HERC1: variants seen among roughly 807,000 people sequenced by gnomAD.
HERC1 encodes the protein HECT and RLD domain containing E3 ubiquitin protein ligase family member 1, also known as probable E3 ubiquitin-protein ligase HERC1.
HERC1 carries 160 observed loss-of-function variants against 554.3 expected under a neutral mutation model. The ratio of observed to expected loss-of-function variants is 0.29; its 90% CI spans 0.25 to 0.33. The LOEUF is 0.33. Among genes scored for constraint, HERC1 ranks in the 10% least tolerant of loss-of-function variants. The probability of loss-of-function intolerance (pLI) is 1.00; values close to 1 mark genes in which losing one functional copy is unlikely to be tolerated. For missense variants in HERC1, 4,919 were observed against 5,918.5 expected, an observed-to-expected ratio of 0.83 and a Z score of 5.54; for synonymous variants, 2,175 against 2,131.7, an observed-to-expected ratio of 1.02 and a Z score of -0.56.
At chr15:63,809,995 C>T (rs1276313956) in intron 1 of HERC1, among the ~76,000 whole-genome samples, 1 of 151,968 alleles carries the variant, frequency 6.6e-6, no homozygotes, top group Non-Finnish European at 1.5e-5. Context: ...ATCTAAAGTC[C>T]ACAAATAATA....
Position 63,716,297 on chromosome 15 carries a change from C to T in HERC1, c.4150+5G>A. ...GTATCTAGAAAGTAAGAAGGGTATA[C>T]TCACTGCCAGCTGTCATCACTTCAT... On this transcript the variant is annotated splice_donor_5th_base_variant and intron_variant, in intron 22 of 77. Coordinates refer to ENST00000443617, the MANE Select transcript of HERC1 (RefSeq NM_003922.4). The T allele has an allele frequency of 6.2e-7, 1 of 1,610,922 alleles. No individual in the cohort carries two copies. Among genetic ancestry groups the T allele is most frequent in the South Asian group, 1.1e-5 (1 of 90,574 alleles).
intron 1 of HERC1, among the ~76,000 whole-genome samples, chr15:63,799,006 G>A (rs139382130): frequency 5.9e-5 from 9 of 152,228 alleles, no homozygotes; most frequent in East Asian, 3.9e-4. Context: ...CTTTTTTAAA[G>A]CGTCATCTCT....
At position 63,737,489 on chromosome 15, in the gene HERC1, TATATAC is replaced by T. The variant is rs1290144177; in HGVS notation, c.2521-2646_2521-2641del. ...TATATATCTTTTTTCCAGATATATATATATACATATATATATCTTTTTTCCAGATAT... is the reference window on the plus strand; with the variant it reads ...TATATATCTTTTTTCCAGATATATATATATATATATCTTTTTTCCAGATAT... On this transcript the variant is annotated intron_variant, in intron 12 of 77. Coordinates refer to ENST00000443617, the MANE Select transcript of HERC1 (RefSeq NM_003922.4). Among the ~76,000 whole-genome samples, 3 of 86,800 alleles carry T rather than the reference TATATAC, an allele frequency of 3.5e-5. 1 individual carries two copies. The highest frequency in any genetic ancestry group is 7.4e-5 in the Non-Finnish European group (3 of 40,534). 56.9% of individuals were successfully genotyped at this position (86,800 alleles called of 152,430 possible).
chr15:63,701,567 G>A (rs562308509), intron 25 of HERC1, among the ~76,000 whole-genome samples: 5 of 152,282 alleles, frequency 3.3e-5, no homozygotes, highest in African/African-American at 1.2e-4. Context: ...AAATGAGTGT[G>A]GCTGTGTTCC....
chr15:63,729,963 T>C lies in HERC1; in HGVS notation c.2869-314A>G, dbSNP rs183035079. Among the ~76,000 whole-genome samples, 228 of 146,114 alleles carry C rather than the reference T, an allele frequency of 1.6e-3. 1 individual carries two copies. The highest frequency in any genetic ancestry group is 3.9e-3 in the South Asian group (18 of 4,622). ...TTGCTTGAACCCCAGGAGGCAGAGG[T>C]TGCAGTGAGCCAAGATCACGCCATT... On this transcript the variant is annotated intron_variant, in intron 14 of 77. Coordinates refer to ENST00000443617, the MANE Select transcript of HERC1 (RefSeq NM_003922.4).
chr15:63,803,936 A>C (rs890790268), intron 1 of HERC1, among the ~76,000 whole-genome samples: 5 of 152,204 alleles, frequency 3.3e-5, no homozygotes, highest in African/African-American at 1.2e-4. Context: ...TACTTTCATC[A>C]AGATAGATCA....
chr15:63,660,781 G>A (rs552561544), intron 46 of HERC1, among the ~76,000 whole-genome samples, 192 bp downstream of exon 46: 13 of 152,074 alleles, frequency 8.5e-5, no homozygotes, highest in South Asian at 6.2e-4. Context: ...TTGAAACCAC[G>A]TTCTTTTCCT....
intron 21 of HERC1, 23 bp from the exon 22 acceptor site, chr15:63,716,496 A>C: frequency 6.5e-7 from 1 of 1,536,704 alleles, no homozygotes; most frequent in Non-Finnish European, 8.8e-7. Flanking sequence ...ATCAGAAACT[A>C]CACTAAATAC....
chr15:63,688,718 A>G (rs2071927442), intron 33 of HERC1, among the ~76,000 whole-genome samples: 1 of 152,238 alleles, frequency 6.6e-6, no homozygotes, highest in African/African-American at 2.4e-5. Context: ...AAAAACCAAG[A>G]TAGGAATTAA....
At chr15:63,762,314 T>C (rs914114333) in intron 3 of HERC1, among the ~76,000 whole-genome samples, 2 of 152,102 alleles carry the variant, frequency 1.3e-5, no homozygotes, top group African/African-American at 4.8e-5. Flanking sequence ...TGTGGGTTCA[T>C]AATGATTATT....
chr15:63,734,650 A>C lies in HERC1; in HGVS notation c.2646+74T>G. On this transcript the variant is annotated intron_variant, in intron 13 of 77. Transcript: ENST00000443617. The surrounding 1 kb of genome is among the most constrained non-coding windows in gnomAD (Gnocchi z 4.6). ...ATGCTCCAAGAACACATGGCAATTTATTAGTTTTATTTCCTTCTCAGTCCA... is the reference window on the plus strand; with the variant it reads ...ATGCTCCAAGAACACATGGCAATTTCTTAGTTTTATTTCCTTCTCAGTCCA... 1 of 1,245,376 alleles carries C rather than the reference A, an allele frequency of 8.0e-7. No individual in the cohort carries two copies. The highest frequency in any genetic ancestry group is 1.6e-5 in the South Asian group (1 of 61,832). The allele number at this position is 1,245,376 out of a possible 1,614,324, so 77.1% of individuals were successfully genotyped here. A position where few individuals can be genotyped will look rare whatever the true frequency, so the allele number is the denominator to read the frequency against.
At chr15:63,741,761 T>C (rs1278364426) in intron 12 of HERC1, among the ~76,000 whole-genome samples, 1 of 152,254 alleles carries the variant, frequency 6.6e-6, no homozygotes, top group African/African-American at 2.4e-5. Flanking sequence ...TGAAATAGTT[T>C]TGGCACTCTT....
In HERC1 at chr15:63,641,458, G is replaced by A. The variant is rs1325988610; in HGVS notation, c.11607+12C>T. The A allele has an allele frequency of 5.0e-6, 8 of 1,605,064 alleles. No individual in the cohort carries two copies. The highest frequency in any genetic ancestry group is 6.0e-6 in the Non-Finnish European group (7 of 1,173,972). ...TATCTGTGTATCTCTAGGAGTGAGT[G>A]TAATGAGTTACCTTTTCATAGGCAT... On this transcript the variant is annotated intron_variant, in intron 60 of 77. Transcript: ENST00000443617.
intron 2 of HERC1, among the ~76,000 whole-genome samples, chr15:63,771,198 A>G (rs1241475567): frequency 6.6e-6 from 1 of 152,002 alleles, no homozygotes; most frequent in African/African-American, 2.4e-5. Flanking sequence ...CAAAAAAAAA[A>G]AGAAAAGAAA....
chr15:63,794,407 A>G (rs1206098768), intron 1 of HERC1, among the ~76,000 whole-genome samples: 2 of 152,104 alleles, frequency 1.3e-5, no homozygotes, highest in Non-Finnish European at 2.9e-5. Context: ...TACTGGTTGA[A>G]TCACTGAGTG....
Position 63,649,757 on chromosome 15 carries a change from C to T in HERC1, c.10715G>A (p.Arg3572His), listed in dbSNP as rs370809691. 1.2e-4 allele frequency: 191 copies of T among 1,613,520 alleles called. No individual in the cohort carries two copies. The highest frequency in any genetic ancestry group is 1.6e-4 in the Middle Eastern group (1 of 6,082). ...TCGATAGCAATGCTCCAATTCTCGA[C>T]GGTGCATGGTGGACACATCAACAAC... ...IEVVDVSTMH[R>H]RELEHCYRKD... is the part of the protein sequence containing the mutation. Residue 3572 changes from arginine (R) to histidine (H), a missense_variant, in exon 54 of 78, where the codon CGT becomes CAT. By Grantham distance (29) the Arg-to-His change is conservative. Around this residue, in one of 11 missense-constraint regions of HERC1, gnomAD observed 1,963 missense variants for 2,228.6 expected, o/e 0.88. Transcript: ENST00000443617.
chr15:63,687,130 T>C (rs565253221), intron 33 of HERC1, among the ~76,000 whole-genome samples: 1 of 152,326 alleles, frequency 6.6e-6, no homozygotes, highest in East Asian at 1.9e-4. Flanking sequence ...CACAGAATGA[T>C]GTATATAGGA....
chr15:63,669,886 G>A (rs1435334995), intron 39 of HERC1, among the ~76,000 whole-genome samples, 188 bp from the exon 40 acceptor site: 1 of 152,198 alleles, frequency 6.6e-6, no homozygotes, highest in African/African-American at 2.4e-5. Flanking sequence ...CAGTATAAAT[G>A]TAATAAAACC....
In HERC1 at chr15:63,689,693, C is replaced by A; in HGVS notation, c.5944G>T (p.Glu1982Ter). 6.4e-7 allele frequency: 1 copy of A among 1,552,692 alleles called. No individual in the cohort carries two copies. The highest frequency in any genetic ancestry group is 2.3e-5 in the East Asian group (1 of 43,246). ...VEDDQMAQIV[E>*]RLFSLLSDCM... ...TCAGAGAGAAGGGAAAATAAGCGCT[C>A]AACAATCTGTTTTATTGAAGAAAAA... The change falls in exon 33 of 78, where the codon GAG becomes TAG. Residue 1982 changes from glutamate (E) to a stop codon, truncating the protein, a stop_gained. Transcript: ENST00000443617. LOFTEE classifies it high-confidence loss of function.
Sources: allele counts gnomAD v4.1 joint callset (sites outside exome capture counted in the v4.1 genomes callset), GRCh38; gene constraint gnomAD v4.1.1; regional missense constraint gnomAD v4.1.1; non-coding constraint Gnocchi (gnomAD v3.1); transcripts MANE v1.5; gene names NCBI Gene and HGNC (gene_info 2026-07-23, HGNC 2026-07-21).